Variants in NUDCD3 observed in about 807,000 individuals in gnomAD.
NUDCD3 encodes the protein nudC domain-containing protein 3.
NUDCD3 carries 13 observed loss-of-function variants against 39.7 expected under a neutral mutation model. The observed-to-expected ratio is 0.33, with a 90% CI of 0.21 to 0.52. NUDCD3 has a LOEUF of 0.52. Among genes scored for constraint, NUDCD3 ranks in the 20% least tolerant of loss-of-function variants. The pLI is 0.96. For missense variants in NUDCD3, 453 were observed against 458.1 expected (o/e 0.99, Z 0.10); for synonymous variants, 175 against 172.4 (o/e 1.02, Z -0.12).
chr7:44,396,703 C>T (rs1198330307), intron 4 of NUDCD3, among the ~76,000 whole-genome samples: 4 of 152,204 alleles, frequency 2.6e-5, no homozygotes, highest in Non-Finnish European at 5.9e-5. Flanking sequence ...TCTGCTGTCA[C>T]TGTCCACATT....
At chr7:44,445,862 G>C (rs1347200162) in intron 2 of NUDCD3, among the ~76,000 whole-genome samples, 5 of 152,174 alleles carry the variant, frequency 3.3e-5, no homozygotes, top group African/African-American at 1.2e-4. Flanking sequence ...CCAGATAAAG[G>C]AGAACCGAAA....
intron 4 of NUDCD3, among the ~76,000 whole-genome samples, chr7:44,401,634 G>A (rs1166780680): frequency 6.6e-6 from 1 of 152,210 alleles, no homozygotes; most frequent in Non-Finnish European, 1.5e-5. Flanking sequence ...CTCATGCAGT[G>A]TTTCAATTGT....
intron 2 of NUDCD3, among the ~76,000 whole-genome samples, chr7:44,454,847 T>C (rs116372868): frequency 0.017 from 2,538 of 151,834 alleles, 55 homozygotes; most frequent in African/African-American, 0.057. Context: ...GGTAGGAGGA[T>C]TGCTTAAGCC....
intron 3 of NUDCD3, among the ~76,000 whole-genome samples, chr7:44,407,063 A>C (rs1359672028): frequency 6.6e-6 from 1 of 152,026 alleles, no homozygotes; most frequent in Admixed American, 6.6e-5. Context: ...CAGTCTGAGG[A>C]CCTAGTGTGG....
chr7:44,386,381 A>ACTGG (rs1798403776), intron 5 of NUDCD3, among the ~76,000 whole-genome samples: 1 of 152,204 alleles, frequency 6.6e-6, no homozygotes, highest in Admixed American at 6.5e-5. Context: ...CCCAGCAAGC[A>ACTGG]CTGGCTCCTC....
chr7:44,401,695 C>CTG (rs951851217), intron 4 of NUDCD3, among the ~76,000 whole-genome samples: 2 of 152,176 alleles, frequency 1.3e-5, no homozygotes, highest in Non-Finnish European at 2.9e-5. Flanking sequence ...CGGGCAGTGA[C>CTG]AGGTGCCCCT....
At chr7:44,425,718 T>A (rs2116899316) in intron 3 of NUDCD3, among the ~76,000 whole-genome samples, 1 of 152,066 alleles carries the variant, frequency 6.6e-6, no homozygotes, top group South Asian at 2.1e-4. Flanking sequence ...TTTTTAAACT[T>A]AACCAGGCAT....
chr7:44,385,973 G>T lies in NUDCD3; in HGVS notation c.*38C>A. ...GAAGGGCAGCCGAGGATAAGGCTCT[G>T]CCTCCCCACCGGCGAGGGTTTCCTT... is the stretch of plus-strand genomic sequence containing the variant. On this transcript the variant is annotated 3_prime_UTR_variant, in exon 6 of 6. Coordinates refer to ENST00000355451, the MANE Select transcript of NUDCD3 (RefSeq NM_015332.4). The T allele has an allele frequency of 9.6e-7, 1 of 1,045,318 alleles. No individual in the cohort carries two copies. The highest frequency in any genetic ancestry group is 1.5e-6 in the Non-Finnish European group (1 of 662,052). The allele number at this position is 1,045,318 out of a possible 1,614,324, so 64.8% of individuals were successfully genotyped here. A position where few individuals can be genotyped will look rare whatever the true frequency, so the allele number is the denominator to read the frequency against.
intron 1 of NUDCD3, among the ~76,000 whole-genome samples, chr7:44,487,909 C>A (rs1244274719): frequency 1.3e-5 from 2 of 151,080 alleles, no homozygotes; most frequent in East Asian, 3.9e-4. Flanking sequence ...GCCAAGATTG[C>A]GCCACTGCAC....
chr7:44,440,499 A>G (rs1799559846), intron 2 of NUDCD3, among the ~76,000 whole-genome samples: 1 of 150,184 alleles, frequency 6.7e-6, no homozygotes, highest in Non-Finnish European at 1.5e-5. Flanking sequence ...AAAAATTGAA[A>G]AAAAAAAAAA....
chr7:44,444,968 A>G (rs1221678836), intron 2 of NUDCD3, among the ~76,000 whole-genome samples: 1 of 152,228 alleles, frequency 6.6e-6, no homozygotes, highest in African/African-American at 2.4e-5. Context: ...TCCAAGTATC[A>G]TAACCAAACT....
intron 2 of NUDCD3, among the ~76,000 whole-genome samples, chr7:44,466,152 A>G (rs1247555022): frequency 6.6e-6 from 1 of 152,202 alleles, no homozygotes; most frequent in Non-Finnish European, 1.5e-5. Context: ...AAGCAGGGAC[A>G]GCCACCCAGG....
chr7:44,485,452 G>C, intron 1 of NUDCD3, 168 bp from the exon 2 acceptor site: 2 of 588,194 alleles, frequency 3.4e-6, no homozygotes, highest in Non-Finnish European at 6.0e-6. Flanking sequence ...AAGCTGACAG[G>C]TAAACAGTGT....
chr7:44,427,320 T>C (rs1799255222), intron 3 of NUDCD3, among the ~76,000 whole-genome samples: 1 of 152,174 alleles, frequency 6.6e-6, no homozygotes, highest in African/African-American at 2.4e-5. Flanking sequence ...GGCTTCTCTC[T>C]CAGGAAGCAG....
rs2116847977 is a variant in NUDCD3, at chr7:44,381,408, G to A, written c.*4603C>T. ...TCAGGTGAAGGAGCTGTTGGCTTATGAGGAGGCTGCTCCAAGAAGCAAATA... is the reference window on the plus strand; with the variant it reads ...TCAGGTGAAGGAGCTGTTGGCTTATAAGGAGGCTGCTCCAAGAAGCAAATA... On this transcript the variant is annotated 3_prime_UTR_variant, in exon 6 of 6. Transcript: ENST00000355451. 1 of 152,504 alleles carries A rather than the reference G, an allele frequency of 6.6e-6. No homozygotes were observed. Among genetic ancestry groups the A allele is most frequent in the Admixed American group, 6.5e-5 (1 of 15,308 alleles). 9.4% of individuals were successfully genotyped at this position (152,504 alleles called of 1,614,324 possible).
intron 3 of NUDCD3, among the ~76,000 whole-genome samples, chr7:44,414,376 T>C (rs1798982631): frequency 6.6e-6 from 1 of 152,040 alleles, no homozygotes; most frequent in African/African-American, 2.4e-5. Context: ...CTTGGGGACA[T>C]GGAAGTAAAA....
chr7:44,470,325 T>A (rs1029299039), intron 2 of NUDCD3, among the ~76,000 whole-genome samples: 1 of 152,132 alleles, frequency 6.6e-6, no homozygotes, highest in African/African-American at 2.4e-5. Context: ...AGCTGCTATT[T>A]TAAAGACCAG....
chr7:44,386,151 G>A lies in NUDCD3; in HGVS notation c.976-30C>T, dbSNP rs755529307. 3.7e-6 allele frequency: 6 copies of A among 1,612,052 alleles called. No homozygotes were observed. The South Asian group carries it at 5.5e-5, about 15-fold the overall frequency. On this transcript the variant is annotated intron_variant, in intron 5 of 5. Coordinates refer to ENST00000355451, the MANE Select transcript of NUDCD3 (RefSeq NM_015332.4). ...AAACAGAAAATAGAGAGATTAAAGG[G>A]GATCACAACGCACTGTGTACTTTCT...
chr7:44,452,391 T>C (rs1409945985), intron 2 of NUDCD3, among the ~76,000 whole-genome samples: 3 of 152,200 alleles, frequency 2.0e-5, no homozygotes, highest in Admixed American at 6.5e-5. Context: ...GATCGTGCCA[T>C]TGCACTCCAG....
Sources: allele counts gnomAD v4.1 joint callset (sites outside exome capture counted in the v4.1 genomes callset), GRCh38; gene constraint gnomAD v4.1.1; transcripts MANE v1.5; gene names NCBI Gene and HGNC (gene_info 2026-07-23, HGNC 2026-07-21).